ZNF418: variants seen among roughly 807,000 people sequenced by gnomAD.
ZNF418 encodes the protein zinc finger protein 418.
A neutral mutation model predicts 32.0 loss-of-function variants in ZNF418; 32 were observed. The observed-to-expected ratio is 1.00, with a 90% confidence interval of 0.75 to 1.34. ZNF418 has a LOEUF of 1.34. Among genes scored for constraint, ZNF418 ranks in the 40% most tolerant of loss-of-function variants. The pLI is 0.00. For synonymous variants in ZNF418, 276 were observed against 270.7 expected (o/e 1.02, Z -0.19); for missense variants, 804 against 812.5 (o/e 0.99, Z 0.13).
chr19:57,932,645 G>C, intron 2 of ZNF418: 2 of 1,427,672 alleles, frequency 1.4e-6, no homozygotes, highest in Non-Finnish European at 9.1e-7. Flanking sequence ...ATGGAGAATG[G>C]TCTAAGAAAA....
chr19:57,926,569 A>G lies in ZNF418; in HGVS notation c.1612T>C (p.Tyr538His). 6.2e-7 allele frequency: 1 copy of G among 1,614,136 alleles called. No individual in the cohort carries two copies. The highest frequency in any genetic ancestry group is 8.5e-7 in the Non-Finnish European group (1 of 1,180,042). Residue 538 changes from tyrosine (Y) to histidine (H), a missense_variant, in exon 4 of 6, where the codon TAT (tyrosine) becomes CAT (histidine). Tyr to His is a moderately conservative substitution (Grantham distance 83). Transcript: ENST00000396147. ...HRRVHTGERP[Y>H]ECGECGKSFH... The stretch of plus-strand genomic sequence containing the variant: ...GACTTTCCACATTCTCCACATTCAT[A>G]AGGCCTTTCTCCAGTATGAACTCTC...
chr19:57,925,981 G>A lies in ZNF418; in HGVS notation c.*169C>T, dbSNP rs769858083. 12 of 596,506 alleles carry A rather than the reference G, an allele frequency of 2.0e-5. No individual in the cohort carries two copies. The highest frequency in any genetic ancestry group is 7.4e-5 in the African/African-American group (4 of 53,984). The allele number at this position is 596,506 out of a possible 1,614,324, so 37.0% of individuals were successfully genotyped here. ...GGCAGAAGGCTTTCTCACATTCATC[G>A]CACTCAAGAGGCCCTTCTGCAGTGG... On this transcript the variant is annotated 3_prime_UTR_variant, in exon 4 of 6. Coordinates refer to ENST00000396147, the MANE Select transcript of ZNF418 (RefSeq NM_133460.3).
At chr19:57,928,596 C>T (rs547120725) in intron 3 of ZNF418, among the ~76,000 whole-genome samples, 3 of 152,052 alleles carry the variant, frequency 2.0e-5, no homozygotes, top group Admixed American at 6.6e-5. Context: ...CACTTGTCTG[C>T]GGGAAATTAT....
Position 57,926,259 on chromosome 19 carries a change from T to A in ZNF418, c.1922A>T (p.His641Leu). The change falls in exon 4 of 6, where the codon CAC becomes CTC. Residue 641 changes from histidine (H) to leucine (L), a missense_variant. Around this residue, in one of 3 missense-constraint regions of ZNF418, gnomAD observed 475 missense variants for 458.6 expected, o/e 1.04. Transcript: ENST00000396147. ...TFSLTEHRRV[H>L]TGERPYECSE... Reference sequence around the variant, plus strand: ...GCACTCATAAGGCCTTTCTCCAGTGTGTACTCTCCTGTGTTCAGTAAGACT... The same window carrying A: ...GCACTCATAAGGCCTTTCTCCAGTGAGTACTCTCCTGTGTTCAGTAAGACT... 1 of 1,613,868 alleles carries A rather than the reference T, an allele frequency of 6.2e-7. No individual in the cohort carries two copies. The highest frequency in any genetic ancestry group is 8.5e-7 in the Non-Finnish European group (1 of 1,179,862).
chr19:57,935,147 G>A lies in ZNF418; in HGVS notation c.-81+14C>T. On this transcript the variant is annotated intron_variant, in intron 1 of 5. Transcript: ENST00000396147. ...TAGGATGAGGTGACCTGAGGGCAGGGAAGGCACAATTACCTGAGCCGGGAG... is the reference window on the plus strand; with the variant it reads ...TAGGATGAGGTGACCTGAGGGCAGGAAAGGCACAATTACCTGAGCCGGGAG... The A allele has an allele frequency of 7.6e-7, 1 of 1,316,148 alleles. No homozygotes were observed. The highest frequency in any genetic ancestry group is 9.9e-7 in the Non-Finnish European group (1 of 1,014,324). The allele number at this position is 1,316,148 out of a possible 1,614,324, so 81.5% of individuals were successfully genotyped here. A position where few individuals can be genotyped will look rare whatever the true frequency, so the allele number is the denominator to read the frequency against.
intron 2 of ZNF418, among the ~76,000 whole-genome samples, chr19:57,931,877 C>T (rs1014157241): frequency 1.3e-5 from 2 of 152,212 alleles, no homozygotes; most frequent in Non-Finnish European, 2.9e-5. Flanking sequence ...GCCTGGCCAA[C>T]AAAGTATTTT....
At chr19:57,931,010 C>T (rs1054895879) in intron 2 of ZNF418, among the ~76,000 whole-genome samples, 2 of 151,854 alleles carry the variant, frequency 1.3e-5, no homozygotes, top group African/African-American at 4.8e-5. Context: ...CTCCTGACCT[C>T]GTGATCCACC....
chr19:57,927,739 T>C lies in ZNF418; in HGVS notation c.442A>G (p.Lys148Glu). Residue 148 changes from lysine (K) to glutamate (E), a missense_variant, in exon 4 of 6, where the codon AAG (lysine) becomes GAG (glutamate). Lys to Glu is a moderately conservative substitution (Grantham distance 56, BLOSUM62 1). Around this residue, in one of 3 missense-constraint regions of ZNF418, gnomAD observed 307 missense variants for 304.9 expected, o/e 1.01. Transcript: ENST00000396147. Reference sequence around the variant, plus strand: ...TCTGACACATGGAACTTACACCTCTTCACAAACAATGCTTCCTCAACACTG... The same window carrying C: ...TCTGACACATGGAACTTACACCTCTCCACAAACAATGCTTCCTCAACACTG... ...RSSVEEALFV[K>E]RCKFHVSEES... The C allele has an allele frequency of 6.2e-7, 1 of 1,614,226 alleles. No homozygotes were observed. Among genetic ancestry groups the C allele is most frequent in the Non-Finnish European group, 8.5e-7 (1 of 1,180,046 alleles).
intron 1 of ZNF418, chr19:57,934,783 A>T (rs1226460330): frequency 1.8e-5 from 5 of 272,616 alleles, no homozygotes; most frequent in African/African-American, 8.9e-5. Context: ...GGGAAACCTT[A>T]AAAGCCTGGA....
chr19:57,925,924 T>C lies in ZNF418; in HGVS notation c.*226A>G. The C allele has an allele frequency of 3.6e-6, 2 of 551,262 alleles. No homozygotes were observed. Among genetic ancestry groups the C allele is most frequent in the Non-Finnish European group, 6.4e-6 (2 of 311,640 alleles). 34.1% of individuals were successfully genotyped at this position (551,262 alleles called of 1,614,324 possible). ...TTCCTGTACGTGTACAGTGTTTTCC[T>C]TATGAGAACAATCTGTTATCCAATG... On this transcript the variant is annotated 3_prime_UTR_variant, in exon 4 of 6. Coordinates refer to ENST00000396147, the MANE Select transcript of ZNF418 (RefSeq NM_133460.3).
intron 4 of ZNF418, among the ~76,000 whole-genome samples, chr19:57,924,922 C>T (rs1568538160): frequency 6.6e-6 from 1 of 152,144 alleles, no homozygotes; most frequent in Non-Finnish European, 1.5e-5. Flanking sequence ...AACTATGCCA[C>T]AAGTGAAGAG....
rs1329161633 is a variant in ZNF418 at position 57,925,829 on chromosome 19, A to G, written c.*321T>C. On this transcript the variant is annotated 3_prime_UTR_variant, in exon 4 of 6. Coordinates refer to ENST00000396147, the MANE Select transcript of ZNF418 (RefSeq NM_133460.3). ...TTGAGTTTATGCAGATGCTGAAGGT[A>G]TGTCAATTTAGGCAGATGGCTCCGT... 2 of 265,620 alleles carry G rather than the reference A, an allele frequency of 7.5e-6. No individual in the cohort carries two copies. The highest frequency in any genetic ancestry group is 1.4e-5 in the Non-Finnish European group (2 of 139,806). 16.5% of individuals were successfully genotyped at this position (265,620 alleles called of 1,614,324 possible).
chr19:57,926,169 T>G lies in ZNF418; in HGVS notation c.2012A>C (p.Glu671Ala). Residue 671 changes from glutamate to alanine, a missense_variant, in exon 4 of 6, where the codon GAA becomes GCA. By Grantham distance (107) the Glu-to-Ala change is moderately radical. This residue lies in a region of ZNF418 where 475 missense variants were observed against 458.6 expected (regional missense o/e 1.04). Transcript: ENST00000396147. ...TTCTTTTCACTTGTAAGGACTTCTTTCTGTGTGAACTCTCTGATGTCGAAG... is the reference window on the plus strand; with the variant it reads ...TTCTTTTCACTTGTAAGGACTTCTTGCTGTGTGAACTCTCTGATGTCGAAG... ...SLLRHQRVHT[E>A]RSPYK is the part of the protein sequence containing the mutation. The G allele has an allele frequency of 2.5e-6, 4 of 1,610,854 alleles. No homozygotes were observed. The highest frequency in any genetic ancestry group is 3.4e-6 in the Non-Finnish European group (4 of 1,178,008).
At position 57,927,438 on chromosome 19, in the gene ZNF418, T is replaced by A; in HGVS notation, c.743A>T (p.His248Leu). The change falls in exon 4 of 6, where the codon CAT (histidine) becomes CTT (leucine). Residue 248 changes from histidine to leucine, a missense_variant. This residue lies in a region of ZNF418 where 307 missense variants were observed against 304.9 expected (regional missense o/e 1.01). Transcript: ENST00000396147. ...SFSKYDSVSN[H>L]QRVHTGKRPY... The stretch of plus-strand genomic sequence containing the variant: ...TCTTTTCCCAGTGTGAACTCTCTGA[T>A]GATTACTGACGCTATCATATTTGCT... 6.2e-7 allele frequency: 1 copy of A among 1,614,254 alleles called. No homozygotes were observed. Among genetic ancestry groups the A allele is most frequent in the South Asian group, 1.1e-5 (1 of 91,086 alleles).
chr19:57,933,159 C>T (rs1419017812), intron 2 of ZNF418, among the ~76,000 whole-genome samples: 1 of 152,192 alleles, frequency 6.6e-6, no homozygotes, highest in East Asian at 1.9e-4. Context: ...TCTTCACATC[C>T]CCAATGAATA....
chr19:57,926,576 T>C lies in ZNF418; in HGVS notation c.1605A>G (p.Glu535=), dbSNP rs140058497. ...CACATTCTCCACATTCATAAGGCCT[T>C]TCTCCAGTATGAACTCTCCGATGTC... is the stretch of plus-strand genomic sequence containing the variant. ...LLRHRRVHTG[E]RPYECGECGK... Residue 535 remains glutamate (E), a synonymous_variant, in exon 4 of 6, where the codon GAA becomes GAG. Transcript: ENST00000396147. 2 of 1,614,116 alleles carry C rather than the reference T, an allele frequency of 1.2e-6. No individual in the cohort carries two copies. Among genetic ancestry groups the C allele is most frequent in the East Asian group, 2.2e-5 (1 of 44,876 alleles).
chr19:57,925,164 G>C (rs2072158173), intron 4 of ZNF418, among the ~76,000 whole-genome samples: 1 of 152,046 alleles, frequency 6.6e-6, no homozygotes, highest in Non-Finnish European at 1.5e-5. Flanking sequence ...AGAGCCTAAA[G>C]AATCACATGA....
At position 57,933,866 on chromosome 19, in the gene ZNF418, AAC is replaced by A. The variant is rs1251589491; in HGVS notation, c.-46_-45del. Reference sequence around the variant, plus strand: ...TCTGATCCTCCTTCCTCCTCCCTCAAACACAGTGTGTTCTCTTCTTTGCAGCC... The same window carrying A: ...TCTGATCCTCCTTCCTCCTCCCTCAAACAGTGTGTTCTCTTCTTTGCAGCC... On this transcript the variant is annotated 5_prime_UTR_variant, in exon 2 of 6. An upstream open reading frame in the 5' UTR gains an earlier in-frame stop. Coordinates refer to ENST00000396147, the MANE Select transcript of ZNF418 (RefSeq NM_133460.3). 4.3e-6 allele frequency: 7 copies of A among 1,613,962 alleles called. No homozygotes were observed. Among genetic ancestry groups the A allele is most frequent in the South Asian group, 1.1e-5 (1 of 91,080 alleles).
chr19:57,935,337 C>A lies in ZNF418; in HGVS notation c.-257G>T, dbSNP rs774712830. ...CCCATAGCTCCAGCGCCTCTCACCT[C>A]ACAAACCGCAGAAACACACCCAACA... is the stretch of plus-strand genomic sequence containing the variant. On this transcript the variant is annotated 5_prime_UTR_variant, in exon 1 of 6. Transcript: ENST00000396147. The A allele has an allele frequency of 3.1e-6, 2 of 653,970 alleles. No individual in the cohort carries two copies. Among genetic ancestry groups the A allele is most frequent in the Non-Finnish European group, 3.9e-6 (2 of 507,796 alleles). 40.5% of individuals were successfully genotyped at this position (653,970 alleles called of 1,614,324 possible).
Sources: gnomAD v4.1 joint callset for allele counts (sites outside exome capture counted in the v4.1 genomes callset) on GRCh38, gnomAD v4.1.1 for gene constraint, gnomAD v4.1.1 regional missense constraint, MANE v1.5 for transcripts, NCBI Gene and HGNC (gene_info 2026-07-23, HGNC 2026-07-21) for gene names.